Variants in POLE3 observed in about 807,000 individuals in gnomAD.
The protein encoded by POLE3 is DNA polymerase epsilon subunit 3.
In POLE3, 10 loss-of-function variants were observed where a neutral mutation model predicts 16.1. That is an observed-to-expected ratio of 0.62 (90% CI 0.38 to 1.05). POLE3 has a LOEUF of 1.05. Ranked by LOEUF, POLE3 falls within the 50% of genes least tolerant of loss-of-function variation. The pLI, the probability that POLE3 is intolerant of heterozygous loss-of-function variation, is 0.01. For synonymous variants in POLE3, 83 were observed against 71.0 expected, an observed-to-expected ratio of 1.17 and a Z score of -0.85; for missense variants, 169 against 185.0, an observed-to-expected ratio of 0.91 and a Z score of 0.50.
chr9:113,408,895 G>A lies in POLE3; in HGVS notation c.360C>T (p.Asp120=). The part of the protein sequence containing the change: ...KDKKTDSEEQ[D]KSRDEDNDED... Reference sequence around the variant, plus strand: ...CATCATTGTCCTCATCCCTGCTCTTGTCTTGCTCTTCCGAGTCTGTTTTTT... The same window carrying A: ...CATCATTGTCCTCATCCCTGCTCTTATCTTGCTCTTCCGAGTCTGTTTTTT... The change falls in exon 5 of 5, where the codon GAC becomes GAT. Residue 120 remains aspartate (D), a synonymous_variant. Coordinates refer to ENST00000374171, the MANE Select transcript of POLE3 (RefSeq NM_017443.5). 6.2e-7 allele frequency: 1 copy of A among 1,612,408 alleles called. No homozygotes were observed. Among genetic ancestry groups the A allele is most frequent in the African/African-American group, 1.3e-5 (1 of 74,892 alleles).
Position 113,410,081 on chromosome 9 carries a change from G to A in POLE3, c.126C>T (p.Ser42=). 1 of 1,577,834 alleles carries A rather than the reference G, an allele frequency of 6.3e-7. No individual in the cohort carries two copies. Among genetic ancestry groups the A allele is most frequent in the Non-Finnish European group, 8.6e-7 (1 of 1,162,092 alleles). Residue 42 remains serine, a synonymous_variant, in exon 3 of 5, where the codon AGC becomes AGT. Coordinates refer to ENST00000374171, the MANE Select transcript of POLE3 (RefSeq NM_017443.5). ...AGGATGTGGCGTACAGCACGAAGAC[G>A]CTGGCGGCGCGGGAGATGGCGCTCC... The part of the protein sequence containing the change: ...EARSAISRAA[S]VFVLYATSCA...
intron 4 of POLE3, 133 bp from the exon 5 acceptor site, chr9:113,409,116 C>A: frequency 1.4e-6 from 1 of 718,630 alleles, no homozygotes; most frequent in Admixed American, 2.5e-5. Flanking sequence ...AATCCCAGCA[C>A]TTTGGGAGGC....
intron 3 of POLE3, 28 bp from the exon 4 acceptor site, chr9:113,409,756 C>T: frequency 1.4e-6 from 2 of 1,435,254 alleles, no homozygotes; most frequent in Non-Finnish European, 9.8e-7. Flanking sequence ...CTGTCAGACT[C>T]CCTCTTGTTT....
Position 113,408,981 on chromosome 9 carries a change from A to G in POLE3, c.274T>C (p.Tyr92His). 6.2e-7 allele frequency: 1 copy of G among 1,613,502 alleles called. No homozygotes were observed. Among genetic ancestry groups the G allele is most frequent in the East Asian group, 2.2e-5 (1 of 44,876 alleles). ...TTCTTGCCTTTCTGCTCCCGCCTAT[A>G]TGCTGTAAGGACGGAACAAGGGGTT... Reference protein sequence around the residue: ...VTPLKEALEAYRREQKGKKEA... With the variant: ...VTPLKEALEAHRREQKGKKEA... The change falls in exon 5 of 5, where the codon TAT becomes CAT. Residue 92 changes from tyrosine to histidine, a missense_variant and splice_region_variant. Coordinates refer to ENST00000374171, the MANE Select transcript of POLE3 (RefSeq NM_017443.5).
At chr9:113,409,794 C>G in intron 3 of POLE3, 66 bp from the exon 4 acceptor site, 2 of 1,087,636 alleles carry the variant, frequency 1.8e-6, no homozygotes, top group Middle Eastern at 4.2e-4. Flanking sequence ...AAAGGAGCAC[C>G]CAGAGGTGGA....
chr9:113,409,841 T>C, intron 3 of POLE3, 113 bp from the exon 4 acceptor site: 1 of 820,212 alleles, frequency 1.2e-6, no homozygotes, highest in South Asian at 1.5e-5. Context: ...TGGATTTTGG[T>C]GTGACAGGGA....
At position 113,408,253 on chromosome 9, in the gene POLE3, G is replaced by C. The variant is rs1387696966; in HGVS notation, c.*558C>G. ...CTATGAAAAACAAAATTCAGTTAAT[G>C]CTTCTGTCAAGTGAAGAGAGAGAAC... On this transcript the variant is annotated 3_prime_UTR_variant, in exon 5 of 5. Transcript: ENST00000374171. The C allele has an allele frequency of 1.3e-5, 2 of 152,366 alleles. No homozygotes were observed. Among genetic ancestry groups the C allele is most frequent in the African/African-American group, 2.4e-5 (1 of 41,470 alleles). 9.4% of individuals were successfully genotyped at this position (152,366 alleles called of 1,614,324 possible). A position where few individuals can be genotyped will look rare whatever the true frequency, so the allele number is the denominator to read the frequency against.
chr9:113,409,098 A>G lies in POLE3; in HGVS notation c.272-115T>C. ...CGGAGGCAGATGGGCGCGGTGGCTC[A>G]CGCCTGTAATCCCAGCACTTTGGGA... is the stretch of plus-strand genomic sequence containing the variant. On this transcript the variant is annotated intron_variant, in intron 4 of 4. Transcript: ENST00000374171. 3.3e-6 allele frequency: 3 copies of G among 898,616 alleles called. No homozygotes were observed. The South Asian group carries it at 4.7e-5, about 14-fold the overall frequency. 55.7% of individuals were successfully genotyped at this position (898,616 alleles called of 1,614,324 possible).
chr9:113,410,096 G>T lies in POLE3; in HGVS notation c.111C>A (p.Ile37=). ...VNISKEARSA[I]SRAASVFVLY... The stretch of plus-strand genomic sequence containing the variant: ...GCACGAAGACGCTGGCGGCGCGGGA[G>T]ATGGCGCTCCGGGCCTCCTTGGAGA... Residue 37 remains isoleucine, a synonymous_variant, in exon 3 of 5, where the codon ATC becomes ATA. Transcript: ENST00000374171. 1 of 1,586,078 alleles carries T rather than the reference G, an allele frequency of 6.3e-7. No homozygotes were observed. The highest frequency in any genetic ancestry group is 1.8e-5 in the Admixed American group (1 of 55,320).
Position 113,408,628 on chromosome 9 carries a change from A to C in POLE3, c.*183T>G. The C allele has an allele frequency of 1.8e-6, 1 of 560,174 alleles. No individual in the cohort carries two copies. Among genetic ancestry groups the C allele is most frequent in the Non-Finnish European group, 3.2e-6 (1 of 311,308 alleles). The allele number at this position is 560,174 out of a possible 1,614,324, so 34.7% of individuals were successfully genotyped here. A position where few individuals can be genotyped will look rare whatever the true frequency, so the allele number is the denominator to read the frequency against. On this transcript the variant is annotated 3_prime_UTR_variant, in exon 5 of 5. Coordinates refer to ENST00000374171, the MANE Select transcript of POLE3 (RefSeq NM_017443.5). ...TGATGAAGCAAAACAGGATTCTGCT[A>C]CTCAGATGCTCTGAGTTTGGTAAGT...
chr9:113,408,914 G>GT lies in POLE3; in HGVS notation c.340dup (p.Thr114AsnfsTer12), dbSNP rs1340821595. On this transcript the variant is annotated frameshift_variant, in exon 5 of 5. Coordinates refer to ENST00000374171, the MANE Select transcript of POLE3 (RefSeq NM_017443.5). LOFTEE classifies it high-confidence loss of function. ...GCTCTTGTCTTGCTCTTCCGAGTCT[G>GT]TTTTTTTGTCTTTGTCCTTCTTCTT... The GT allele has an allele frequency of 6.2e-7, 1 of 1,612,950 alleles. No individual in the cohort carries two copies.
chr9:113,409,963 G>C (rs773502015), intron 3 of POLE3, 92 bp downstream of exon 3: 265 of 1,039,424 alleles, frequency 2.5e-4, no homozygotes, highest in Non-Finnish European at 3.1e-4. Flanking sequence ...TCCCCACCGA[G>C]GGAGAACACA....
intron 4 of POLE3, among the ~76,000 whole-genome samples, chr9:113,409,229 G>A (rs773160586): frequency 1.3e-5 from 2 of 151,872 alleles, no homozygotes; most frequent in Non-Finnish European, 2.9e-5. Context: ...ACGTGGTGGC[G>A]TGCGCCTGTA....
At chr9:113,410,011 A>G in intron 3 of POLE3, 44 bp downstream of exon 3, 1 of 1,494,474 alleles carries the variant, frequency 6.7e-7, no homozygotes. Flanking sequence ...AGCAACTCCC[A>G]GCCAGGTATC....
chr9:113,408,742 T>C lies in POLE3; in HGVS notation c.*69A>G. 2 of 1,325,488 alleles carry C rather than the reference T, an allele frequency of 1.5e-6. No individual in the cohort carries two copies. Among genetic ancestry groups the C allele is most frequent in the Non-Finnish European group, 2.1e-6 (2 of 936,896 alleles). 82.1% of individuals were successfully genotyped at this position (1,325,488 alleles called of 1,614,324 possible). On this transcript the variant is annotated 3_prime_UTR_variant, in exon 5 of 5. Coordinates refer to ENST00000374171, the MANE Select transcript of POLE3 (RefSeq NM_017443.5). ...ACTACTCTGCCCAGCATGGAAAAGCTTCACAGAAACACGTAGCACGTCTCA... is the reference window on the plus strand; with the variant it reads ...ACTACTCTGCCCAGCATGGAAAAGCCTCACAGAAACACGTAGCACGTCTCA...
At position 113,410,211 on chromosome 9, in the gene POLE3, C is replaced by T. The variant is rs1379139207; in HGVS notation, c.66+17G>A. ...CTTCCCTCCTGCCCGTTCGTCCGCC[C>T]CCCCCGAGCTGCTCACCGCCTCCTT... On this transcript the variant is annotated intron_variant, in intron 2 of 4. Transcript: ENST00000374171. 14 of 1,613,156 alleles carry T rather than the reference C, an allele frequency of 8.7e-6. No homozygotes were observed. Among genetic ancestry groups the T allele is most frequent in the Non-Finnish European group, 1.2e-5 (14 of 1,179,712 alleles).
intron 1 of POLE3, 72 bp from the exon 2 acceptor site, chr9:113,410,480 T>G (rs923365272): frequency 1.6e-6 from 1 of 607,678 alleles, no homozygotes; most frequent in South Asian, 2.0e-5. Flanking sequence ...CCGCCTCAAA[T>G]ACCGGCGCAT....
chr9:113,409,660 T>C lies in POLE3; in HGVS notation c.221A>G (p.Glu74Gly), dbSNP rs765546854. Residue 74 changes from glutamate to glycine, a missense_variant, in exon 4 of 5, where the codon GAA becomes GGA. Glu to Gly is a moderately conservative substitution (Grantham distance 98). Transcript: ENST00000374171. ...AACGAACCGCTGGAACTCCATCTCTTCCATGGCTGAGAGCACATCACTGGC... is the reference window on the plus strand; with the variant it reads ...AACGAACCGCTGGAACTCCATCTCTCCCATGGCTGAGAGCACATCACTGGC... ...LNASDVLSAM[E>G]EMEFQRFVTP... 1 of 1,613,796 alleles carries C rather than the reference T, an allele frequency of 6.2e-7. No homozygotes were observed. The highest frequency in any genetic ancestry group is 8.5e-7 in the Non-Finnish European group (1 of 1,179,726).
Position 113,409,609 on chromosome 9 carries a change from C to A in POLE3, c.271+1G>T. 1.9e-6 allele frequency: 3 copies of A among 1,562,754 alleles called. No individual in the cohort carries two copies. The highest frequency in any genetic ancestry group is 2.6e-6 in the Non-Finnish European group (3 of 1,133,488). ...GGTTTAGAAGACAAGAGGCTCGTTA[C>A]CTTCCAGAGCTTCTTTCAATGGGGT... On this transcript the variant is annotated splice_donor_variant, in intron 4 of 4. Coordinates refer to ENST00000374171, the MANE Select transcript of POLE3 (RefSeq NM_017443.5). LOFTEE classifies it high-confidence loss of function.
Sources: gnomAD v4.1 joint callset for allele counts (sites outside exome capture counted in the v4.1 genomes callset) on GRCh38, gnomAD v4.1.1 for gene constraint, MANE v1.5 for transcripts, NCBI Gene and HGNC (gene_info 2026-07-23, HGNC 2026-07-21) for gene names.